AACS: variants seen among roughly 807,000 people sequenced by gnomAD.
The protein encoded by AACS is acetoacetyl-CoA synthetase, also known as acetoacetate-CoA ligase.
Under a neutral mutation model 83.1 loss-of-function variants are expected in AACS, and 69 were observed. That is an observed-to-expected ratio of 0.83 (90% CI 0.68 to 1.01). The LOEUF (loss-of-function observed/expected upper bound fraction) is 1.01. Among genes scored for constraint, AACS ranks in the 50% least tolerant of loss-of-function variants. AACS has a pLI of 0.00. For missense variants in AACS, 866 were observed against 882.2 expected (o/e 0.98, Z 0.23); for synonymous variants, 333 against 343.4 (o/e 0.97, Z 0.33).
At chr12:125,072,988 C>T (rs1361623399) in intron 1 of AACS, among the ~76,000 whole-genome samples, 1 of 140,038 alleles carries the variant, frequency 7.1e-6, no homozygotes, top group Admixed American at 7.7e-5. Context: ...AGTGCAGTGG[C>T]GCGATCTCGG....
rs1021663392 is a variant in AACS at position 125,083,544 on chromosome 12, G to A, written c.359-2786G>A. Among the ~76,000 whole-genome samples, 7 of 146,878 alleles carry A rather than the reference G, an allele frequency of 4.8e-5. No homozygotes were observed. In the East Asian group the frequency reaches 1.2e-3, roughly 25 times the overall value. On this transcript the variant is annotated intron_variant, in intron 3 of 17. Transcript: ENST00000316519. ...TTTCTTTGATAACGGGTGGTTGATC[G>A]TTTTTTTTTTAATTTTTTTCTGTAC...
chr12:125,080,542 C>T (rs1956147468), intron 3 of AACS, among the ~76,000 whole-genome samples: 2 of 151,672 alleles, frequency 1.3e-5, no homozygotes, highest in African/African-American at 4.8e-5. Context: ...TTTTTTAAAC[C>T]CGGCCCTGTC....
chr12:125,128,634 A>C (rs771049998), intron 13 of AACS: 6 of 171,896 alleles, frequency 3.5e-5, no homozygotes, highest in African/African-American at 7.1e-5. Flanking sequence ...GTCTCCCGCT[A>C]TGCTGGGCCT....
intron 6 of AACS, 46 bp from the exon 7 acceptor site, chr12:125,102,954 C>T (rs1012502943): frequency 8.4e-6 from 13 of 1,540,718 alleles, no homozygotes; most frequent in Non-Finnish European, 9.7e-6. Context: ...AGCAGCCAAG[C>T]ATCTTTGTCC....
chr12:125,106,668 T>C (rs1956840106), intron 7 of AACS, among the ~76,000 whole-genome samples: 1 of 152,212 alleles, frequency 6.6e-6, no homozygotes, highest in East Asian at 1.9e-4. Context: ...GAGTGCTTCC[T>C]TTTGGGCAAT....
At chr12:125,103,107 G>A (rs1956752638) in intron 7 of AACS, 26 bp downstream of exon 7, 1 of 1,600,552 alleles carries the variant, frequency 6.2e-7, no homozygotes, top group African/African-American at 1.3e-5. Flanking sequence ...CTGACCCACA[G>A]GTCCGTGTGG....
At chr12:125,119,095 C>T (rs1460400993) in intron 10 of AACS, among the ~76,000 whole-genome samples, 1 of 152,144 alleles carries the variant, frequency 6.6e-6, no homozygotes, top group East Asian at 1.9e-4. Context: ...TGGTATGTAT[C>T]GTAAGGCACG....
chr12:125,126,890 CT>C (rs1200506554), intron 12 of AACS: 1 of 151,906 alleles, frequency 6.6e-6, no homozygotes, highest in Non-Finnish European at 1.5e-5. Flanking sequence ...GCCTGGGTCA[CT>C]TTTATTTTAT....
intron 8 of AACS, among the ~76,000 whole-genome samples, chr12:125,112,546 GGTGT>G (rs1956975542): frequency 6.6e-6 from 1 of 152,006 alleles, no homozygotes; most frequent in Non-Finnish European, 1.5e-5. Context: ...TGGGCATGGT[GGTGT>G]GTGCCTGTAG....
intron 4 of AACS, among the ~76,000 whole-genome samples, chr12:125,087,360 C>T (rs1057296166): frequency 6.6e-6 from 1 of 152,236 alleles, no homozygotes; most frequent in African/African-American, 2.4e-5. Flanking sequence ...ATTTTTCTTA[C>T]AATTTTCCTT....
chr12:125,069,705 G>A (rs1188298799), intron 1 of AACS, among the ~76,000 whole-genome samples: 2 of 152,226 alleles, frequency 1.3e-5, no homozygotes, highest in Non-Finnish European at 2.9e-5. Context: ...TTGGAGGACT[G>A]TGCCAAGTGT....
At chr12:125,086,163 G>A (rs1956334717) in intron 3 of AACS, among the ~76,000 whole-genome samples, 167 bp from the exon 4 acceptor site, 1 of 152,200 alleles carries the variant, frequency 6.6e-6, no homozygotes, top group African/African-American at 2.4e-5. Context: ...TTTCTTCTGT[G>A]TGAGGTTAAG....
At chr12:125,093,849 G>T (rs577167448) in intron 5 of AACS, among the ~76,000 whole-genome samples, 2 of 152,360 alleles carry the variant, frequency 1.3e-5, no homozygotes. Context: ...CTCGAACTGA[G>T]ATCCAGCCGG....
At position 125,103,055 on chromosome 12, in the gene AACS, C is replaced by A; in HGVS notation, c.741C>A (p.Asn247Lys). Residue 247 changes from asparagine (N) to lysine (K), a missense_variant, in exon 7 of 18, where the codon AAC (asparagine) becomes AAA (lysine). Asn to Lys is a moderately conservative substitution (Grantham distance 94). Transcript: ENST00000316519. ...VVIPYVSSRE[N>K]IDLSKIPNSV... is the part of the protein sequence containing the mutation. The stretch of plus-strand genomic sequence containing the variant: ...TTCCTTATGTGTCCTCCAGAGAGAA[C>A]ATAGACCTTTCAAAGATTCCAAACA... 1 of 1,614,084 alleles carries A rather than the reference C, an allele frequency of 6.2e-7. No homozygotes were observed. The highest frequency in any genetic ancestry group is 8.5e-7 in the Non-Finnish European group (1 of 1,180,014).
At chr12:125,116,000 T>C (rs945388576) in intron 9 of AACS, among the ~76,000 whole-genome samples, 12 of 152,152 alleles carry the variant, frequency 7.9e-5, no homozygotes, top group African/African-American at 2.9e-4. Context: ...CTCCCTGCTC[T>C]CTGTGACCAG....
intron 3 of AACS, among the ~76,000 whole-genome samples, chr12:125,080,642 T>TTG (rs386378086): frequency 0.028 from 1 of 36 alleles, no homozygotes; most frequent in Non-Finnish European, 0.056. Flanking sequence ...ATCTCTTCTC[T>TTG]TAAGTATTTG....
chr12:125,103,004 A>T lies in AACS; in HGVS notation c.690A>T (p.Leu230=). ...TTCTCCTCTCGCTCCTTCCAGGCCT[A>T]CCAGACTTGAAGAAAGTGGTGGTGA... is the stretch of plus-strand genomic sequence containing the variant. ...MEKLQQVVKG[L]PDLKKVVVIP... is the part of the protein sequence containing the mutation. The change falls in exon 7 of 18, where the codon CTA becomes CTT. Residue 230 remains leucine (L), a synonymous_variant. Transcript: ENST00000316519. The T allele has an allele frequency of 6.2e-7, 1 of 1,613,496 alleles. No individual in the cohort carries two copies. The highest frequency in any genetic ancestry group is 1.1e-5 in the South Asian group (1 of 90,990).
intron 8 of AACS, among the ~76,000 whole-genome samples, chr12:125,111,613 G>A (rs1256205841): frequency 1.3e-5 from 2 of 152,166 alleles, no homozygotes; most frequent in Non-Finnish European, 2.9e-5. Flanking sequence ...AAACAGTGAG[G>A]CAACATAGGC....
Position 125,114,515 on chromosome 12 carries a change from C to G in AACS, c.954C>G (p.His318Gln). The G allele has an allele frequency of 6.2e-7, 1 of 1,613,466 alleles. No individual in the cohort carries two copies. Among genetic ancestry groups the G allele is most frequent in the Non-Finnish European group, 8.5e-7 (1 of 1,179,762 alleles). The change falls in exon 9 of 18, where the codon CAC becomes CAG. Residue 318 changes from histidine (H) to glutamine (Q), a missense_variant. Physicochemically the swap from His to Gln is conservative, Grantham distance 24. Transcript: ENST00000316519. ...LIQHLKEHLLHGNMTSSDILL... is the reference protein window; with the variant it reads ...LIQHLKEHLLQGNMTSSDILL... ...AGCATCTGAAGGAGCACCTGCTGCA[C>G]GGCAACATGACCAGCAGTGACATCC...
Sources: allele counts gnomAD v4.1 joint callset (sites outside exome capture counted in the v4.1 genomes callset), GRCh38; gene constraint gnomAD v4.1.1; transcripts MANE v1.5; gene names NCBI Gene and HGNC (gene_info 2026-07-23, HGNC 2026-07-21).